Variants in CPA5 observed in about 807,000 individuals in gnomAD.
CPA5 encodes testicular tissue protein Li 32.
In CPA5, 38 loss-of-function variants were observed where a neutral mutation model predicts 52.2. The ratio of observed to expected loss-of-function variants is 0.73; its 90% CI spans 0.56 to 0.95. The LOEUF is 0.95. Among genes scored for constraint, CPA5 ranks in the 40% least tolerant of loss-of-function variants. The pLI, the probability that CPA5 is intolerant of heterozygous loss-of-function variation, is 0.00. For synonymous variants in CPA5, 198 were observed against 213.7 expected, an observed-to-expected ratio of 0.93 and a Z score of 0.64; for missense variants, 519 against 566.7, an observed-to-expected ratio of 0.92 and a Z score of 0.86.
At chr7:130,362,774 T>C (rs1405275660) in intron 8 of CPA5, 110 bp from the exon 9 acceptor site, 2 of 701,364 alleles carry the variant, frequency 2.9e-6, no homozygotes, top group African/African-American at 3.5e-5. Flanking sequence ...AAGATATACC[T>C]CAGGGGTTTC....
At position 130,362,537 on chromosome 7, in the gene CPA5, A is replaced by G; in HGVS notation, c.634A>G (p.Lys212Glu). The change falls in exon 8 of 13, where the codon AAG (lysine) becomes GAG (glutamate). Residue 212 changes from lysine (K) to glutamate (E), a missense_variant and splice_region_variant. Coordinates refer to ENST00000474905, the MANE Select transcript of CPA5 (RefSeq NM_080385.5). ...TGCCACCGGCATCTGGACTGCCAAT[A>G]AGGTCAGCATGGACCTGTAGCCAAG... The part of the protein sequence containing the change: ...THATGIWTAN[K>E]IVSDYGKDRV... 1 of 1,611,016 alleles carries G rather than the reference A, an allele frequency of 6.2e-7. No homozygotes were observed. Among genetic ancestry groups the G allele is most frequent in the Non-Finnish European group, 8.5e-7 (1 of 1,177,480 alleles).
intron 10 of CPA5, 116 bp downstream of exon 10, chr7:130,363,625 C>A: frequency 1.2e-6 from 1 of 827,556 alleles, no homozygotes; most frequent in South Asian, 1.6e-5. Flanking sequence ...ACAATGTAGT[C>A]AGCTAATATG....
chr7:130,352,065 A>G (rs1795181278), intron 5 of CPA5, among the ~76,000 whole-genome samples: 2 of 152,100 alleles, frequency 1.3e-5, no homozygotes, highest in Admixed American at 6.5e-5. Context: ...GAACTAATAG[A>G]CATTCATTAG....
At chr7:130,361,020 G>A in intron 6 of CPA5, 123 bp from the exon 7 acceptor site, 4 of 647,388 alleles carry the variant, frequency 6.2e-6, no homozygotes, top group South Asian at 1.9e-5. Context: ...TTAGACCCTC[G>A]AGGGTCTAAA....
chr7:130,346,450 A>T lies in CPA5; in HGVS notation c.-36A>T. 1 of 1,523,428 alleles carries T rather than the reference A, an allele frequency of 6.6e-7. No homozygotes were observed. The allele number at this position is 1,523,428 out of a possible 1,614,324, so 94.4% of individuals were successfully genotyped here. On this transcript the variant is annotated 5_prime_UTR_variant, in exon 3 of 13. It introduces an in-frame stop codon into an upstream open reading frame of the 5' UTR. Transcript: ENST00000474905. ...TCCTGAGGCCTGGGCCATGGTGCCC[A>T]AGGAAAGCCCCTGAAGCTCACCAGG...
intron 4 of CPA5, 34 bp downstream of exon 4, chr7:130,347,881 C>T (rs12532639): frequency 0.055 from 85,385 of 1,563,020 alleles, 2,627 homozygotes; most frequent in Non-Finnish European, 0.064. Context: ...ACAACCCCAC[C>T]CCCTCCTCAG....
At chr7:130,361,096 C>A in intron 6 of CPA5, 47 bp from the exon 7 acceptor site, 1 of 1,216,354 alleles carries the variant, frequency 8.2e-7, no homozygotes, top group Non-Finnish European at 1.2e-6. Flanking sequence ...CAGTGTTCAT[C>A]CCTCTTCCTG....
intron 5 of CPA5, among the ~76,000 whole-genome samples, chr7:130,355,831 T>C (rs1554405082): frequency 1.3e-5 from 2 of 152,232 alleles, no homozygotes; most frequent in African/African-American, 4.8e-5. Context: ...GATCAGGGTT[T>C]AACCTGAGCT....
the CPA5 span, among the ~76,000 whole-genome samples, chr7:130,373,760 C>T: frequency 1.3e-5 from 2 of 152,244 alleles, no homozygotes; most frequent in Non-Finnish European, 2.9e-5. Context: ...GAGAATGCAG[C>T]GAACATGGGG....
chr7:130,368,873 G>T, downstream of CPA5: 1 of 455,266 alleles, frequency 2.2e-6, no homozygotes, highest in South Asian at 3.4e-5. Context: ...AAATAAGGGG[G>T]TAGAGGCTGT....
intron 5 of CPA5, among the ~76,000 whole-genome samples, chr7:130,357,679 A>G (rs1488658705): frequency 6.6e-6 from 1 of 152,140 alleles, no homozygotes; most frequent in African/African-American, 2.4e-5. Flanking sequence ...CAAAATGTAA[A>G]AATAGAGGAT....
chr7:130,362,361 G>A, intron 7 of CPA5, 77 bp from the exon 8 acceptor site: 4 of 1,039,230 alleles, frequency 3.8e-6, no homozygotes, highest in Non-Finnish European at 5.9e-6. Context: ...ATGCCTCAGG[G>A]ACCTCCTTCC....
At chr7:130,352,483 T>G (rs1554404176) in intron 5 of CPA5, among the ~76,000 whole-genome samples, 2 of 150,198 alleles carry the variant, frequency 1.3e-5, no homozygotes, top group African/African-American at 4.9e-5. Flanking sequence ...AGGCGGTAAT[T>G]ACGGTGCGCT....
rs1554407025 is a variant in CPA5 at position 130,362,527 on chromosome 7, G to C, written c.624G>C (p.Trp208Cys). The C allele has an allele frequency of 6.2e-7, 1 of 1,612,770 alleles. No homozygotes were observed. The highest frequency in any genetic ancestry group is 8.5e-7 in the Non-Finnish European group (1 of 1,178,980). The change falls in exon 8 of 13, where the codon TGG becomes TGC. Residue 208 changes from tryptophan to cysteine, a missense_variant. Physicochemically the swap from Trp to Cys is radical, Grantham distance 215 (BLOSUM62 -2). Transcript: ENST00000474905. ...REWITHATGI[W>C]TANKIVSDYG... ...GGATCACCCATGCCACCGGCATCTG[G>C]ACTGCCAATAAGGTCAGCATGGACC... is the stretch of plus-strand genomic sequence containing the variant.
intron 8 of CPA5, 105 bp downstream of exon 8, chr7:130,362,644 T>C (rs1795855950): frequency 1.2e-6 from 1 of 808,094 alleles, no homozygotes; most frequent in East Asian, 2.6e-5. Flanking sequence ...ACACTCAGGG[T>C]GCTGTCTCCA....
chr7:130,367,232 AT>A, intron 10 of CPA5, 139 bp from the exon 11 acceptor site: 1 of 690,908 alleles, frequency 1.4e-6, no homozygotes, highest in South Asian at 1.7e-5. Context: ...TCACCTTTCC[AT>A]TGGTCAAAGT....
intron 5 of CPA5, among the ~76,000 whole-genome samples, chr7:130,358,650 G>A (rs782581024): frequency 6.6e-6 from 1 of 152,188 alleles, no homozygotes; most frequent in East Asian, 1.9e-4. Context: ...TGTGGCAGAC[G>A]ACCTGAGTAC....
In CPA5 at chr7:130,350,007, C is replaced by T; in HGVS notation, c.231C>T (p.Ser77=). The change falls in exon 5 of 13, where the codon AGC becomes AGT. Residue 77 remains serine, a synonymous_variant. Transcript: ENST00000474905. The stretch of plus-strand genomic sequence containing the variant: ...TCTGGCGTGGCCCAGCCAGGCCCAG[C>T]CTCCCTGTGGATATGAGAGTTCCTT... ...VDFWRGPARP[S]LPVDMRVPFS... is the part of the protein sequence containing the mutation. 1 of 1,613,850 alleles carries T rather than the reference C, an allele frequency of 6.2e-7. No homozygotes were observed. Among genetic ancestry groups the T allele is most frequent in the Non-Finnish European group, 8.5e-7 (1 of 1,179,886 alleles).
Position 130,350,056 on chromosome 7 carries a change from G to A in CPA5, c.280G>A (p.Ala94Thr). The A allele has an allele frequency of 1.2e-6, 2 of 1,614,082 alleles. No individual in the cohort carries two copies. Among genetic ancestry groups the A allele is most frequent in the Non-Finnish European group, 1.7e-6 (2 of 1,179,976 alleles). Residue 94 changes from alanine to threonine, a missense_variant, in exon 5 of 13, where the codon GCT becomes ACT. Physicochemically the swap from Ala to Thr is moderately conservative, Grantham distance 58. Transcript: ENST00000474905. ...VPFSELKDIKAYLESHGLAYS... is the reference protein window; with the variant it reads ...VPFSELKDIKTYLESHGLAYS... ...TTTCTCTGAACTGAAAGACATCAAA[G>A]CTTATCTGGAGTCTCATGGACTTGC...
Sources: allele counts gnomAD v4.1 joint callset (sites outside exome capture counted in the v4.1 genomes callset), GRCh38; gene constraint gnomAD v4.1.1; transcripts MANE v1.5; gene names NCBI Gene and HGNC (gene_info 2026-07-23, HGNC 2026-07-21).